Variants in C2orf76 observed in about 807,000 individuals in gnomAD.
C2orf76 encodes the protein UPF0538 protein C2orf76.
C2orf76 carries 23 observed loss-of-function variants against 16.9 expected under a neutral mutation model. That is an observed-to-expected ratio of 1.36 (90% CI 0.98 to 1.93). The LOEUF (loss-of-function observed/expected upper bound fraction) is 1.93. C2orf76 is among the 30% of genes most tolerant of loss of function. The pLI is 0.00. For synonymous variants in C2orf76, 48 were observed against 52.3 expected (o/e 0.92, Z 0.35); for missense variants, 152 against 152.6 (o/e 1.00, Z 0.02).
chr2:119,302,992 C>T (rs1678664566), intron 5 of C2orf76, among the ~76,000 whole-genome samples: 1 of 152,026 alleles, frequency 6.6e-6, no homozygotes, highest in South Asian at 2.1e-4. Flanking sequence ...TAATTTAATA[C>T]TTAGAGGATC....
the C2orf76 span, among the ~76,000 whole-genome samples, chr2:119,286,359 G>A: frequency 6.6e-6 from 1 of 152,106 alleles, no homozygotes; most frequent in African/African-American, 2.4e-5. Context: ...AGGTGGGATG[G>A]AAAGGACCTT....
At chr2:119,327,407 T>C (rs1679542471) in intron 2 of C2orf76, among the ~76,000 whole-genome samples, 1 of 146,900 alleles carries the variant, frequency 6.8e-6, no homozygotes, top group Non-Finnish European at 1.5e-5. Context: ...TACATGGTCA[T>C]TGATATAGTT....
intron 5 of C2orf76, among the ~76,000 whole-genome samples, chr2:119,303,660 T>C (rs886533406): frequency 4.6e-5 from 7 of 152,242 alleles, no homozygotes; most frequent in Non-Finnish European, 8.8e-5. Context: ...GAGATTAGCA[T>C]GCCATTTCAT....
chr2:119,333,941 G>A (rs1349798243), intron 2 of C2orf76, among the ~76,000 whole-genome samples: 1 of 152,102 alleles, frequency 6.6e-6, no homozygotes, highest in East Asian at 1.9e-4. Context: ...CGTGTTCAAT[G>A]CATGTTTCTC....
chr2:119,306,823 G>A (rs1388996261), intron 5 of C2orf76, among the ~76,000 whole-genome samples: 11 of 152,042 alleles, frequency 7.2e-5, no homozygotes, highest in South Asian at 2.1e-4. Context: ...AATGTTCCAC[G>A]GGGATCTGCA....
At chr2:119,337,751 A>G (rs1679896211) in intron 2 of C2orf76, among the ~76,000 whole-genome samples, 1 of 152,354 alleles carries the variant, frequency 6.6e-6, no homozygotes, top group East Asian at 1.9e-4. Context: ...AATTGAAACA[A>G]GCAGTGGCTG....
At chr2:119,326,609 G>C (rs80061286) in intron 2 of C2orf76, among the ~76,000 whole-genome samples, 1 of 150,024 alleles carries the variant, frequency 6.7e-6, no homozygotes, top group Non-Finnish European at 1.5e-5. Context: ...AAAAAAAAAA[G>C]CCTGCCAGAA....
rs1221305508 is a variant in C2orf76, at chr2:119,321,182, C to T, written c.156G>A (p.Leu52=). 7.0e-7 allele frequency: 1 copy of T among 1,438,118 alleles called. No homozygotes were observed. The highest frequency in any genetic ancestry group is 9.4e-7 in the Non-Finnish European group (1 of 1,059,534). 89.1% of individuals were successfully genotyped at this position (1,438,118 alleles called of 1,614,324 possible). A position where few individuals can be genotyped will look rare whatever the true frequency, so the allele number is the denominator to read the frequency against. Residue 52 remains leucine (L), a synonymous_variant, in exon 3 of 6, where the codon CTG becomes CTA. Transcript: ENST00000334816. ...ATTTATAATTTCTGAATGGTGGTGG[C>T]AGGTTGGTCCTTAAAGGGATATCTA... ...LKQDIPLRTN[L]PPPFRNYKYD...
chr2:119,337,189 G>A (rs1487349766), intron 2 of C2orf76, among the ~76,000 whole-genome samples: 3 of 151,852 alleles, frequency 2.0e-5, no homozygotes, highest in Non-Finnish European at 4.4e-5. Flanking sequence ...CTGAGTGCTG[G>A]CACTACAGAT....
chr2:119,332,587 A>G (rs552759343), intron 2 of C2orf76, among the ~76,000 whole-genome samples: 46 of 152,232 alleles, frequency 3.0e-4, no homozygotes, highest in African/African-American at 9.4e-4. Flanking sequence ...AACAATCTGG[A>G]TGCAGCTAAA....
intron 4 of C2orf76, 74 bp downstream of exon 4, chr2:119,317,392 T>C: frequency 9.3e-7 from 1 of 1,080,416 alleles, no homozygotes; most frequent in Non-Finnish European, 1.3e-6. Flanking sequence ...GTACATGTAT[T>C]CATTCACTTA....
At chr2:119,325,677 A>T (rs1324044776) in intron 2 of C2orf76, among the ~76,000 whole-genome samples, 4 of 152,064 alleles carry the variant, frequency 2.6e-5, no homozygotes, top group Admixed American at 6.6e-5. Flanking sequence ...TAATATTCCC[A>T]CTAGTGGTAT....
chr2:119,354,856 A>G (rs1680519634), intron 1 of C2orf76, among the ~76,000 whole-genome samples: 2 of 152,262 alleles, frequency 1.3e-5, no homozygotes, highest in Admixed American at 1.3e-4. Context: ...GCTGACTGGC[A>G]CATGCTTCTC....
At chr2:119,361,658 G>A (rs990299577) in intron 1 of C2orf76, among the ~76,000 whole-genome samples, 2 of 151,926 alleles carry the variant, frequency 1.3e-5, no homozygotes, top group Non-Finnish European at 2.9e-5. Context: ...ATGGATTTTT[G>A]GCATCCATAG....
At chr2:119,348,713 G>C (rs1680287244) in intron 1 of C2orf76, among the ~76,000 whole-genome samples, 1 of 151,826 alleles carries the variant, frequency 6.6e-6, no homozygotes, top group South Asian at 2.1e-4. Flanking sequence ...GAAGTTAAAG[G>C]GCTCGGTGCC....
intron 4 of C2orf76, among the ~76,000 whole-genome samples, chr2:119,314,014 G>GTTTTTGTT (rs1679082163): frequency 1.2e-5 from 1 of 86,166 alleles, no homozygotes; most frequent in African/African-American, 5.0e-5. Context: ...TTTCTCAGTG[G>GTTTTTGTT]TTTTTTTTTT....
intron 1 of C2orf76, among the ~76,000 whole-genome samples, chr2:119,353,556 CTTTTTTTT>C (rs755724739): frequency 8.0e-6 from 1 of 124,586 alleles, no homozygotes; most frequent in African/African-American, 3.0e-5. Context: ...CAAGAATTTT[CTTTTTTTT>C]TTTTTTTTTT....
At chr2:119,321,281 T>C in intron 2 of C2orf76, 77 bp from the exon 3 acceptor site, 1 of 794,096 alleles carries the variant, frequency 1.3e-6, no homozygotes, top group Non-Finnish European at 2.0e-6. Context: ...TTGGTTCTAT[T>C]CTTTTCTATC....
intron 1 of C2orf76, among the ~76,000 whole-genome samples, chr2:119,346,842 G>A (rs1013229652): frequency 3.3e-5 from 5 of 152,106 alleles, no homozygotes; most frequent in Admixed American, 2.6e-4. Flanking sequence ...TCTAAATGAG[G>A]TTCATTGCTT....
Sources: gnomAD v4.1 joint callset for allele counts (sites outside exome capture counted in the v4.1 genomes callset) on GRCh38, gnomAD v4.1.1 for gene constraint, MANE v1.5 for transcripts, NCBI Gene and HGNC (gene_info 2026-07-23, HGNC 2026-07-21) for gene names.